The following MTCL2 variants were observed in gnomAD, a reference collection of about 807,000 sequenced individuals.
MTCL2 encodes the protein microtubule crosslinking factor 2.
At chr20:36,862,612 C>A in the MTCL2 span, 1 of 1,452,126 alleles carries the variant, frequency 6.9e-7, no homozygotes, top group South Asian at 1.4e-5. Flanking sequence ...GGGACTGTGA[C>A]AGCCGGCGAC....
At chr20:36,808,870 C>A in the MTCL2 span, 5 of 762,770 alleles carry the variant, frequency 6.6e-6, no homozygotes, top group Non-Finnish European at 1.0e-5. Context: ...GCCGGGGATC[C>A]CACCACACGT....
chr20:36,847,010 CAAACA>C, the MTCL2 span, among the ~76,000 whole-genome samples: 5 of 152,184 alleles, frequency 3.3e-5, no homozygotes, highest in African/African-American at 1.2e-4. Flanking sequence ...ACTGTTTCAA[CAAACA>C]AAACACGGCT....
the MTCL2 span, among the ~76,000 whole-genome samples, chr20:36,792,724 A>G: frequency 1.3e-5 from 2 of 152,114 alleles, no homozygotes; most frequent in African/African-American, 4.8e-5. Context: ...TGTGACCATC[A>G]GGTCTGTGTT....
chr20:36,814,250 G>C, the MTCL2 span, among the ~76,000 whole-genome samples: 707 of 152,232 alleles, frequency 4.6e-3, 2 homozygotes, highest in African/African-American at 0.016. Flanking sequence ...AAAACTGTGT[G>C]AACAACAGAC....
At chr20:36,827,946 C>T in the MTCL2 span, among the ~76,000 whole-genome samples, 4 of 152,194 alleles carry the variant, frequency 2.6e-5, no homozygotes, top group African/African-American at 7.2e-5. Context: ...TAGCAGCAAA[C>T]GCCTCCTCTC....
the MTCL2 span, among the ~76,000 whole-genome samples, chr20:36,837,077 C>T: frequency 6.6e-6 from 1 of 152,248 alleles, no homozygotes; most frequent in Admixed American, 6.5e-5. Flanking sequence ...TGCCGCTCCC[C>T]TGGGTCCTCA....
At chr20:36,852,790 C>T in the MTCL2 span, among the ~76,000 whole-genome samples, 3 of 152,258 alleles carry the variant, frequency 2.0e-5, no homozygotes, top group South Asian at 6.2e-4. Context: ...GGCATGGTGG[C>T]TCACACCTGT....
the MTCL2 span, chr20:36,783,661 CCTT>C: frequency 1.6e-6 from 1 of 644,372 alleles, no homozygotes; most frequent in African/African-American, 2.0e-5. Context: ...GGGCAGCATT[CCTT>C]CTTGGGACCC....
At chr20:36,847,533 G>C in the MTCL2 span, among the ~76,000 whole-genome samples, 1 of 152,142 alleles carries the variant, frequency 6.6e-6, no homozygotes, top group Admixed American at 6.5e-5. Context: ...ACCTGTCACT[G>C]TCTATGGGTA....
chr20:36,805,876 C>T, the MTCL2 span: 5 of 1,612,888 alleles, frequency 3.1e-6, no homozygotes, highest in South Asian at 5.5e-5. Context: ...CAGCTGTCCC[C>T]CGTGCAGGCC....
chr20:36,818,877 T>C, the MTCL2 span, among the ~76,000 whole-genome samples: 1 of 152,042 alleles, frequency 6.6e-6, no homozygotes, highest in Admixed American at 6.6e-5. Flanking sequence ...GCTAGAGATA[T>C]GAAAAACAGT....
the MTCL2 span, among the ~76,000 whole-genome samples, chr20:36,845,624 T>C: frequency 6.6e-6 from 1 of 152,296 alleles, no homozygotes; most frequent in African/African-American, 2.4e-5. Flanking sequence ...AATGCAGGAC[T>C]TAGGCAGGGG....
At chr20:36,783,475 A>C in the MTCL2 span, 1 of 152,268 alleles carries the variant, frequency 6.6e-6, no homozygotes, top group Admixed American at 6.6e-5. Context: ...ACTGATGCCA[A>C]CCCCATGGAC....
At chr20:36,785,070 C>T in the MTCL2 span, 14 of 985,432 alleles carry the variant, frequency 1.4e-5, no homozygotes, top group South Asian at 6.1e-4. Flanking sequence ...CAGCCCTCCA[C>T]CTTGTCAGTG....
At chr20:36,847,391 T>C in the MTCL2 span, among the ~76,000 whole-genome samples, 1 of 152,172 alleles carries the variant, frequency 6.6e-6, no homozygotes, top group South Asian at 2.1e-4. Flanking sequence ...CTATGGTCCG[T>C]TGTGCTGGTA....
the MTCL2 span, among the ~76,000 whole-genome samples, chr20:36,836,722 A>G: frequency 6.6e-6 from 1 of 152,002 alleles, no homozygotes; most frequent in African/African-American, 2.4e-5. Flanking sequence ...ATTGGCCTCT[A>G]GCGATCCTCC....
chr20:36,797,449 C>A, the MTCL2 span: 1 of 1,540,714 alleles, frequency 6.5e-7, no homozygotes, highest in Non-Finnish European at 8.8e-7. Flanking sequence ...AAGCAGGGAC[C>A]TTTATGGTGC....
the MTCL2 span, among the ~76,000 whole-genome samples, chr20:36,833,724 G>A: frequency 2.0e-5 from 3 of 152,228 alleles, no homozygotes; most frequent in East Asian, 5.8e-4. Context: ...GATGGTGTGT[G>A]CCTGCAGTAT....
At chr20:36,848,362 C>T in the MTCL2 span, among the ~76,000 whole-genome samples, 7 of 152,322 alleles carry the variant, frequency 4.6e-5, no homozygotes, top group East Asian at 5.8e-4. Flanking sequence ...CTGCTCCCCT[C>T]GATGGACTGA....
Sources: gnomAD v4.1 joint callset for allele counts (sites outside exome capture counted in the v4.1 genomes callset) on GRCh38, gnomAD v4.1.1 for gene constraint, MANE v1.5 for transcripts, NCBI Gene and HGNC (gene_info 2026-07-23, HGNC 2026-07-21) for gene names.